The following SLC25A26 variants were observed in gnomAD, a reference collection of about 807,000 sequenced individuals.
SLC25A26 encodes the protein solute carrier family 25 member 26.
In SLC25A26, 36 loss-of-function variants were observed where a neutral mutation model predicts 37.8. That is an observed-to-expected ratio of 0.95 (90% CI 0.73 to 1.26). SLC25A26 has a LOEUF of 1.26. SLC25A26 is among the 50% of genes most tolerant of loss of function. The pLI, the probability that SLC25A26 is intolerant of heterozygous loss-of-function variation, is 0.00. For missense variants in SLC25A26, 390 were observed against 331.1 expected (o/e 1.18, Z -1.38); for synonymous variants, 129 against 122.5 (o/e 1.05, Z -0.35).
chr3:66,355,643 A>T (rs1468947124), intron 6 of SLC25A26, among the ~76,000 whole-genome samples: 1 of 152,236 alleles, frequency 6.6e-6, no homozygotes, highest in African/African-American at 2.4e-5. Flanking sequence ...TTGTAGACAT[A>T]GTAGTATGTG....
chr3:66,326,640 C>T (rs533682023), intron 5 of SLC25A26, among the ~76,000 whole-genome samples: 1 of 152,298 alleles, frequency 6.6e-6, no homozygotes, highest in African/African-American at 2.4e-5. Context: ...GCTGGACAAG[C>T]CTGGGTTCCC....
At chr3:66,267,954 T>A (rs1404993805) in intron 5 of SLC25A26, among the ~76,000 whole-genome samples, 3 of 152,218 alleles carry the variant, frequency 2.0e-5, no homozygotes, top group Non-Finnish European at 2.9e-5. Flanking sequence ...TTCCCAGTTC[T>A]GCTGTCTGCC....
At chr3:66,232,425 T>C (rs927162632) in intron 1 of SLC25A26, among the ~76,000 whole-genome samples, 36 of 152,336 alleles carry the variant, frequency 2.4e-4, no homozygotes, top group African/African-American at 7.9e-4. Context: ...AACCCTTTAT[T>C]AGAGCCATTG....
intron 5 of SLC25A26, among the ~76,000 whole-genome samples, chr3:66,284,365 C>T (rs2074440324): frequency 6.6e-6 from 1 of 152,096 alleles, no homozygotes; most frequent in African/African-American, 2.4e-5. Flanking sequence ...AGTGCTGGAA[C>T]TCTAATCCAT....
intron 5 of SLC25A26, among the ~76,000 whole-genome samples, chr3:66,307,507 A>G: frequency 6.6e-6 from 1 of 152,134 alleles, no homozygotes; most frequent in East Asian, 1.9e-4. Flanking sequence ...CTTTAGTTTA[A>G]TTAGATCCCA....
chr3:66,348,182 A>G (rs1054347035), intron 6 of SLC25A26, among the ~76,000 whole-genome samples: 1 of 152,250 alleles, frequency 6.6e-6, no homozygotes, highest in African/African-American at 2.4e-5. Flanking sequence ...CATTCAAAAC[A>G]TGCAGAGATG....
rs1330153022 is a variant in SLC25A26 at position 66,209,904 on chromosome 3, A to C, written c.-353-10838A>C. 6.7e-3 allele frequency among the ~76,000 whole-genome samples: 119 copies of C among 17,882 alleles called. 3 individuals are homozygous for C. Among genetic ancestry groups the C allele is most frequent in the Middle Eastern group, 0.05 (1 of 20 alleles). 11.7% of individuals were successfully genotyped at this position (17,882 alleles called of 152,430 possible). On this transcript the variant is annotated intron_variant, in intron 1 of 10. Transcript: ENST00000676754. ...CCTCTCTCTCTCTCTCTATTTATATATATATATATATATATATATATATAT... is the reference window on the plus strand; with the variant it reads ...CCTCTCTCTCTCTCTCTATTTATATCTATATATATATATATATATATATAT...
At chr3:66,183,865 C>T (rs1298954868) in intron 1 of SLC25A26, among the ~76,000 whole-genome samples, 1 of 151,828 alleles carries the variant, frequency 6.6e-6, no homozygotes, top group African/African-American at 2.4e-5. Flanking sequence ...CTGACCCTTA[C>T]CTTAATTTTT....
intron 5 of SLC25A26, chr3:66,293,107 A>C (rs2074771519): frequency 6.6e-6 from 1 of 151,900 alleles, no homozygotes; most frequent in South Asian, 2.1e-4. Flanking sequence ...ATACTTTATG[A>C]AGTTCTAAAA....
intron 5 of SLC25A26, among the ~76,000 whole-genome samples, chr3:66,270,495 G>C (rs1437635974): frequency 6.6e-6 from 1 of 152,146 alleles, no homozygotes; most frequent in Non-Finnish European, 1.5e-5. Context: ...TTTGCTCTTG[G>C]AAGTTGTCCA....
chr3:66,358,100 T>C (rs1258376287), intron 6 of SLC25A26, among the ~76,000 whole-genome samples: 3 of 152,250 alleles, frequency 2.0e-5, no homozygotes, highest in Non-Finnish European at 4.4e-5. Context: ...AGTCTAAAAT[T>C]ATGTGAATGT....
intron 5 of SLC25A26, among the ~76,000 whole-genome samples, chr3:66,334,702 T>C (rs919829630): frequency 6.6e-6 from 1 of 152,130 alleles, no homozygotes; most frequent in Non-Finnish European, 1.5e-5. Flanking sequence ...GTCCCAAATA[T>C]GATCTGTTCT....
At chr3:66,168,043 C>T (rs2070447795) in intron 1 of SLC25A26, among the ~76,000 whole-genome samples, 1 of 151,720 alleles carries the variant, frequency 6.6e-6, no homozygotes, top group East Asian at 1.9e-4. Flanking sequence ...ATCCCAGCTA[C>T]TCATGAGGCC....
intron 1 of SLC25A26, among the ~76,000 whole-genome samples, chr3:66,193,615 A>G (rs2070987105): frequency 6.6e-6 from 1 of 152,184 alleles, no homozygotes; most frequent in Non-Finnish European, 1.5e-5. Flanking sequence ...GGGGTAGTCC[A>G]CAAATTCAGA....
At chr3:66,218,165 A>G (rs1382770985), upstream of SLC25A26, among the ~76,000 whole-genome samples, 3 of 151,978 alleles carry the variant, frequency 2.0e-5, no homozygotes, top group African/African-American at 7.3e-5. Context: ...TTCATATATC[A>G]GTAATTCATG....
chr3:66,249,379 T>C (rs892801146), intron 3 of SLC25A26, among the ~76,000 whole-genome samples: 1 of 152,318 alleles, frequency 6.6e-6, no homozygotes, highest in Admixed American at 6.5e-5. Context: ...AACATGTTCT[T>C]ATTCAGCTTT....
At chr3:66,350,549 G>A (rs1435994213) in intron 6 of SLC25A26, among the ~76,000 whole-genome samples, 1 of 152,152 alleles carries the variant, frequency 6.6e-6, no homozygotes, top group Non-Finnish European at 1.5e-5. Flanking sequence ...GGATGTGTCT[G>A]ATCTTCCTTA....
chr3:66,201,518 T>G (rs1576634557), intron 1 of SLC25A26, among the ~76,000 whole-genome samples: 1 of 152,070 alleles, frequency 6.6e-6, no homozygotes. Flanking sequence ...TTTTTTTAAA[T>G]AGAGATGGGG....
intron 3 of SLC25A26, among the ~76,000 whole-genome samples, chr3:66,256,578 CA>C (rs2073311241): frequency 2.6e-5 from 4 of 151,960 alleles, no homozygotes; most frequent in Admixed American, 2.6e-4. Flanking sequence ...TATGTATAGG[CA>C]ATAAATATAT....
Sources: gnomAD v4.1 joint callset for allele counts (sites outside exome capture counted in the v4.1 genomes callset) on GRCh38, gnomAD v4.1.1 for gene constraint, MANE v1.5 for transcripts, NCBI Gene and HGNC (gene_info 2026-07-23, HGNC 2026-07-21) for gene names.